RPS6KA5: variants seen among roughly 807,000 people sequenced by gnomAD.
RPS6KA5 encodes the protein ribosomal protein S6 kinase A5, also known as ribosomal protein S6 kinase alpha-5.
Under a neutral mutation model 85.5 loss-of-function variants are expected in RPS6KA5, and 27 were observed. The ratio of observed to expected loss-of-function variants is 0.32; its 90% CI spans 0.23 to 0.44. RPS6KA5 has a LOEUF of 0.44. RPS6KA5 is among the 20% of genes least tolerant of loss of function. RPS6KA5 has a pLI of 1.00. For missense variants in RPS6KA5, 811 were observed against 980.9 expected, an observed-to-expected ratio of 0.83 and a Z score of 2.31; for synonymous variants, 334 against 348.2, an observed-to-expected ratio of 0.96 and a Z score of 0.46.
At chr14:91,033,538 T>C (rs1595519124) in intron 1 of RPS6KA5, among the ~76,000 whole-genome samples, 1 of 150,922 alleles carries the variant, frequency 6.6e-6, no homozygotes, top group Non-Finnish European at 1.5e-5. Context: ...GGAGGCAGAG[T>C]TTGCAATGAG....
chr14:91,003,249 A>G (rs2040863936), intron 1 of RPS6KA5, among the ~76,000 whole-genome samples: 1 of 152,062 alleles, frequency 6.6e-6, no homozygotes, highest in Non-Finnish European at 1.5e-5. Flanking sequence ...GATTATATCT[A>G]TATTTATATT....
intron 2 of RPS6KA5, among the ~76,000 whole-genome samples, chr14:90,995,378 C>A (rs975470541): frequency 2.6e-5 from 4 of 152,168 alleles, no homozygotes; most frequent in Non-Finnish European, 5.9e-5. Context: ...TCACGGAAGG[C>A]TTTTACTGCT....
chr14:91,034,306 CAAAA>C (rs201455291), intron 1 of RPS6KA5, among the ~76,000 whole-genome samples: 1 of 108,636 alleles, frequency 9.2e-6, no homozygotes, highest in Non-Finnish European at 2.0e-5. Context: ...AACCCTGTCT[CAAAA>C]AAAAAAAAAA....
chr14:90,941,883 T>A (rs891017291), intron 5 of RPS6KA5, among the ~76,000 whole-genome samples: 3 of 152,210 alleles, frequency 2.0e-5, no homozygotes, highest in East Asian at 3.8e-4. Context: ...GGTAAACAGA[T>A]TTAATCTGCT....
intron 1 of RPS6KA5, among the ~76,000 whole-genome samples, chr14:91,009,781 G>A (rs1450363624): frequency 6.6e-6 from 1 of 152,170 alleles, no homozygotes; most frequent in Non-Finnish European, 1.5e-5. Flanking sequence ...CATGCACAGA[G>A]TTACTAGGAG....
intron 7 of RPS6KA5, among the ~76,000 whole-genome samples, chr14:90,913,646 GTC>G (rs2140270550): frequency 6.6e-6 from 1 of 152,280 alleles, no homozygotes; most frequent in African/African-American, 2.4e-5. Context: ...ACCTCTTCCT[GTC>G]TCTCTTCCTT....
intron 1 of RPS6KA5, among the ~76,000 whole-genome samples, chr14:91,016,804 T>C (rs968286196): frequency 2.0e-5 from 3 of 150,372 alleles, no homozygotes; most frequent in Non-Finnish European, 4.4e-5. Context: ...AGGAACATGA[T>C]TGGAAAATCG....
At chr14:90,961,318 C>T (rs1286096) in intron 3 of RPS6KA5, among the ~76,000 whole-genome samples, 106,158 of 152,092 alleles carry the variant, frequency 0.7, 37,543 homozygotes, top group East Asian at 0.97. Flanking sequence ...CAGAGTTGTA[C>T]ATCTTATGAA....
chr14:91,044,387 A>AAG (rs1237651120), intron 1 of RPS6KA5, among the ~76,000 whole-genome samples: 2 of 20,484 alleles, frequency 9.8e-5, no homozygotes, highest in African/African-American at 1.9e-4. Flanking sequence ...GAAAGAAAGA[A>AAG]AGAAGGAAAG....
chr14:90,885,514 C>T (rs1264059366), intron 14 of RPS6KA5, among the ~76,000 whole-genome samples: 1 of 113,306 alleles, frequency 8.8e-6, no homozygotes, highest in South Asian at 3.0e-4. Context: ...GATCCCGCCA[C>T]TGCACTCCAG....
intron 1 of RPS6KA5, among the ~76,000 whole-genome samples, chr14:91,025,019 T>TA (rs1439610817): frequency 1.3e-5 from 2 of 151,888 alleles, no homozygotes; most frequent in Non-Finnish European, 2.9e-5. Context: ...TAGCTGGGAC[T>TA]ACAGATGTGC....
chr14:91,016,286 C>T (rs778482904), intron 1 of RPS6KA5, among the ~76,000 whole-genome samples: 12 of 151,978 alleles, frequency 7.9e-5, no homozygotes, highest in Non-Finnish European at 1.5e-4. Flanking sequence ...ACATTGCCCA[C>T]GCTGGCCTTG....
intron 3 of RPS6KA5, among the ~76,000 whole-genome samples, chr14:90,973,117 T>G (rs1844977915): frequency 6.6e-6 from 1 of 152,172 alleles, no homozygotes; most frequent in Non-Finnish European, 1.5e-5. Flanking sequence ...ATGGTACAAC[T>G]TCTATGGAAG....
rs551872326 is a variant in RPS6KA5, at chr14:90,915,819, A to C, written c.806+4387T>G. Among the ~76,000 whole-genome samples the C allele has an allele frequency of 2.6e-5, 4 of 151,884 alleles. No individual in the cohort carries two copies. In the South Asian group the frequency reaches 8.3e-4, roughly 32 times the overall value. On this transcript the variant is annotated intron_variant, in intron 7 of 16. Coordinates refer to ENST00000614987, the MANE Select transcript of RPS6KA5 (RefSeq NM_004755.4). ...GACTCTGTCTCAACATTAAAAAAAT[A>C]AATAAATAAATAAAATAAATTTATA...
intron 2 of RPS6KA5, among the ~76,000 whole-genome samples, chr14:90,990,345 T>A (rs1379445092): frequency 6.6e-6 from 1 of 151,994 alleles, no homozygotes; most frequent in Non-Finnish European, 1.5e-5. Flanking sequence ...CTCACACCAG[T>A]CAGAAGGGCT....
chr14:91,035,952 GT>G (rs1301249820), intron 1 of RPS6KA5, among the ~76,000 whole-genome samples: 4 of 44,652 alleles, frequency 9.0e-5, no homozygotes, highest in African/African-American at 2.2e-4. Flanking sequence ...AGCACTTAGG[GT>G]ATGAAAAAAA....
At chr14:90,983,843 CTTT>C (rs59531773) in intron 2 of RPS6KA5, among the ~76,000 whole-genome samples, 1 of 124,220 alleles carries the variant, frequency 8.1e-6, no homozygotes, top group Non-Finnish European at 1.7e-5. Context: ...CTCTCTCTTT[CTTT>C]TTTTCTTTCT....
intron 7 of RPS6KA5, among the ~76,000 whole-genome samples, chr14:90,908,624 G>A (rs1191155847): frequency 1.3e-5 from 2 of 152,216 alleles, no homozygotes; most frequent in African/African-American, 2.4e-5. Context: ...CAGACACTGG[G>A]AGTGGCGTGG....
At chr14:90,983,102 G>A (rs1406024324) in intron 2 of RPS6KA5, among the ~76,000 whole-genome samples, 1 of 124,740 alleles carries the variant, frequency 8.0e-6, no homozygotes, top group Non-Finnish European at 1.6e-5. Flanking sequence ...AACAGAGCGA[G>A]ATTCCATCTC....
Sources: gnomAD v4.1 joint callset for allele counts (sites outside exome capture counted in the v4.1 genomes callset) on GRCh38, gnomAD v4.1.1 for gene constraint, MANE v1.5 for transcripts, NCBI Gene and HGNC (gene_info 2026-07-23, HGNC 2026-07-21) for gene names.